The following UNC80 variants were observed in gnomAD, a reference collection of about 807,000 sequenced individuals.
UNC80 encodes the protein unc-80 subunit of NALCN channel complex.
A neutral mutation model predicts 384.6 loss-of-function variants in UNC80; 164 were observed. That is an observed-to-expected ratio of 0.43 (90% CI 0.38 to 0.49). UNC80 has a LOEUF of 0.49. Among genes scored for constraint, UNC80 ranks in the 20% least tolerant of loss-of-function variants. UNC80 has a pLI of 0.00. For synonymous variants in UNC80, 1,486 were observed against 1,527.8 expected (o/e 0.97, Z 0.64); for missense variants, 3,330 against 4,143.0 (o/e 0.80, Z 5.39).
chr2:209,974,148 G>C (rs528574278), intron 56 of UNC80, among the ~76,000 whole-genome samples: 13 of 152,212 alleles, frequency 8.5e-5, no homozygotes, highest in African/African-American at 2.6e-4. Context: ...AGCAGATATT[G>C]GTGAGAAGTA....
In UNC80 at chr2:209,924,078, T is replaced by C. The variant is rs530179172; in HGVS notation, c.5662+1695T>C. On this transcript the variant is annotated intron_variant, in intron 35 of 64. Coordinates refer to ENST00000673920, the MANE Select transcript of UNC80 (RefSeq NM_001371986.1). ...AACATTTATAATAGCTGACAAAATC[T>C]TTGTCTAGTAAGTCCAACATTTAAG... Among the ~76,000 whole-genome samples, 9 of 152,240 alleles carry C rather than the reference T, an allele frequency of 5.9e-5. No homozygotes were observed. The East Asian group carries it at 1.7e-3, about 29-fold the overall frequency.
intron 51 of UNC80, among the ~76,000 whole-genome samples, chr2:209,965,818 G>A (rs931551127): frequency 6.6e-6 from 1 of 151,484 alleles, no homozygotes; most frequent in Non-Finnish European, 1.5e-5. Flanking sequence ...AATAAGAGGT[G>A]CCAGTGTGAA....
rs533711462 is a variant in UNC80, at chr2:209,836,184, A to C, written c.3041+1174A>C. On this transcript the variant is annotated intron_variant, in intron 18 of 64. Coordinates refer to ENST00000673920, the MANE Select transcript of UNC80 (RefSeq NM_001371986.1). Reference sequence around the variant, plus strand: ...TCTTTAGCTTCCTTTCTTAAAATTCAGTTTTAGTTTTCCCTTTAAGGTAGT... The same window carrying C: ...TCTTTAGCTTCCTTTCTTAAAATTCCGTTTTAGTTTTCCCTTTAAGGTAGT... Among the ~76,000 whole-genome samples, 4 of 152,338 alleles carry C rather than the reference A, an allele frequency of 2.6e-5. No homozygotes were observed. The South Asian group carries it at 8.3e-4, about 32-fold the overall frequency.
At chr2:209,964,947 A>G (rs1413977877) in intron 51 of UNC80, among the ~76,000 whole-genome samples, 3 of 152,150 alleles carry the variant, frequency 2.0e-5, no homozygotes, top group African/African-American at 4.8e-5. Context: ...AACTGACTGA[A>G]TATTTGGGTT....
At chr2:209,806,344 CT>C (rs778225349) in intron 7 of UNC80, among the ~76,000 whole-genome samples, 8 of 152,178 alleles carry the variant, frequency 5.3e-5, no homozygotes, top group Non-Finnish European at 7.3e-5. Flanking sequence ...TTCAAGACTA[CT>C]ATTTGTGAAC....
At chr2:209,800,034 T>G (rs1482882875) in intron 7 of UNC80, among the ~76,000 whole-genome samples, 1 of 152,194 alleles carries the variant, frequency 6.6e-6, no homozygotes, top group Non-Finnish European at 1.5e-5. Context: ...AAATTTTTTT[T>G]GTTGTGTCTC....
intron 47 of UNC80, among the ~76,000 whole-genome samples, chr2:209,951,185 TAATAA>T (rs919143258): frequency 3.3e-5 from 5 of 151,816 alleles, no homozygotes; most frequent in African/African-American, 9.7e-5. Context: ...ATTAATTAAC[TAATAA>T]AATAAAATAA....
At chr2:209,824,882 G>A (rs1223011935) in intron 13 of UNC80, among the ~76,000 whole-genome samples, 1 of 152,158 alleles carries the variant, frequency 6.6e-6, no homozygotes, top group Non-Finnish European at 1.5e-5. Context: ...CAATCATGTG[G>A]CTATGGAAAA....
At chr2:209,950,660 G>A (rs981510682) in intron 47 of UNC80, among the ~76,000 whole-genome samples, 2 of 150,996 alleles carry the variant, frequency 1.3e-5, no homozygotes, top group Non-Finnish European at 2.9e-5. Context: ...CCGGATTCAA[G>A]CGATTCTCCT....
Position 209,910,826 on chromosome 2 carries a change from G to A in UNC80, c.4783-1734G>A, listed in dbSNP as rs576177190. On this transcript the variant is annotated intron_variant, in intron 29 of 64. Coordinates refer to ENST00000673920, the MANE Select transcript of UNC80 (RefSeq NM_001371986.1). ...TTAAGAATCATATTTTCAAATAATT[G>A]TAATGGAAAAATACTCTTTATAAAA... 1.1e-4 allele frequency among the ~76,000 whole-genome samples: 16 copies of A among 152,134 alleles called. 1 individual carries two copies. Among genetic ancestry groups the A allele is most frequent in the African/African-American group, 3.4e-4 (14 of 41,498 alleles).
rs148130871 is a variant in UNC80, at chr2:209,918,030, C to G, written c.5211+72C>G. The G allele has an allele frequency of 4.5e-3, 6,459 of 1,429,758 alleles. 51 individuals carry two copies. Among genetic ancestry groups the G allele is most frequent in the Non-Finnish European group, 5.5e-3 (5,776 of 1,048,436 alleles). 88.6% of individuals were successfully genotyped at this position (1,429,758 alleles called of 1,614,324 possible). A position where few individuals can be genotyped will look rare whatever the true frequency, so the allele number is the denominator to read the frequency against. ...AAGGTTTGTTTAAACCGTTGAACCT[C>G]AAAGTCACAGTATGTGGCCAAAGAT... is the stretch of plus-strand genomic sequence containing the variant. On this transcript the variant is annotated intron_variant, in intron 32 of 64. Transcript: ENST00000673920.
rs574704122 is a variant in UNC80 at position 209,933,424 on chromosome 2, C to A, written c.5995-398C>A. On this transcript the variant is annotated intron_variant, in intron 38 of 64. Coordinates refer to ENST00000673920, the MANE Select transcript of UNC80 (RefSeq NM_001371986.1). ...GACACACAAAAATTTTGAAGTTCAT[C>A]AACTTAGCCAAGCAGTGTGCTCTTA... Among the ~76,000 whole-genome samples the A allele has an allele frequency of 1.3e-4, 20 of 152,098 alleles. No homozygotes were observed. The South Asian group carries it at 4.2e-3, about 32-fold the overall frequency.
At chr2:209,867,011 AC>A (rs2083888929) in intron 22 of UNC80, among the ~76,000 whole-genome samples, 1 of 152,256 alleles carries the variant, frequency 6.6e-6, no homozygotes, top group Admixed American at 6.5e-5. Flanking sequence ...AATATCCAAC[AC>A]CTCAAACATT....
At position 209,926,873 on chromosome 2, in the gene UNC80, A is replaced by G. The variant is rs2124960243; in HGVS notation, c.5693A>G (p.Asn1898Ser). Reference sequence around the variant, plus strand: ...GAACATACCACTGAACACACGCCGAACCACCATGTGCCTCAGCCCCCACAA... The same window carrying G: ...GAACATACCACTGAACACACGCCGAGCCACCATGTGCCTCAGCCCCCACAA... ...DEEHTTEHTP[N>S]HHVPQPPQAV... is the part of the protein sequence containing the mutation. Residue 1898 changes from asparagine (N) to serine (S), a missense_variant, in exon 36 of 65, where the codon AAC (asparagine) becomes AGC (serine). This residue lies in a region of UNC80 where 1,049 missense variants were observed against 1,488.6 expected (regional missense o/e 0.70). Coordinates refer to ENST00000673920, the MANE Select transcript of UNC80 (RefSeq NM_001371986.1). The G allele has an allele frequency of 6.4e-7, 1 of 1,552,278 alleles. No homozygotes were observed. The highest frequency in any genetic ancestry group is 1.2e-5 in the South Asian group (1 of 84,054).
chr2:209,978,037 A>G (rs1338683729), intron 58 of UNC80, among the ~76,000 whole-genome samples: 3 of 152,210 alleles, frequency 2.0e-5, no homozygotes, highest in Non-Finnish European at 4.4e-5. Context: ...ATAACCTGAC[A>G]TAGAACTGAG....
At chr2:209,914,496 G>A (rs1323395699) in intron 31 of UNC80, among the ~76,000 whole-genome samples, 1 of 152,004 alleles carries the variant, frequency 6.6e-6, no homozygotes, top group East Asian at 1.9e-4. Context: ...AAAAATTCAA[G>A]TAATACAAAA....
chr2:209,931,164 G>T, intron 38 of UNC80, 110 bp downstream of exon 38: 1 of 758,786 alleles, frequency 1.3e-6, no homozygotes, highest in South Asian at 2.1e-5. Flanking sequence ...GGCAAATCCT[G>T]GTCAACTAAA....
chr2:209,937,090 C>T (rs957786091), intron 41 of UNC80, among the ~76,000 whole-genome samples, 157 bp downstream of exon 41: 1 of 152,104 alleles, frequency 6.6e-6, no homozygotes, highest in Non-Finnish European at 1.5e-5. Flanking sequence ...TTTTGACTGG[C>T]GACTTCACCT....
chr2:209,877,876 A>T, intron 23 of UNC80, 78 bp from the exon 24 acceptor site: 1 of 1,380,938 alleles, frequency 7.2e-7, no homozygotes, highest in Non-Finnish European at 9.5e-7. Context: ...TTGGTTGCTT[A>T]TGTCTGATGT....
Sources: gnomAD v4.1 joint callset for allele counts (sites outside exome capture counted in the v4.1 genomes callset) on GRCh38, gnomAD v4.1.1 for gene constraint, gnomAD v4.1.1 regional missense constraint, MANE v1.5 for transcripts, NCBI Gene and HGNC (gene_info 2026-07-23, HGNC 2026-07-21) for gene names.